Variants in SDK1 observed in about 807,000 individuals in gnomAD.
SDK1 encodes protein sidekick-1.
Under a neutral mutation model 245.5 loss-of-function variants are expected in SDK1, and 157 were observed. The ratio of observed to expected loss-of-function variants is 0.64; its 90% CI spans 0.56 to 0.73. The LOEUF is 0.73. Among genes scored for constraint, SDK1 ranks in the 30% least tolerant of loss-of-function variants. The pLI is 0.00. For missense variants in SDK1, 3,583 were observed against 3,002.3 expected (o/e 1.19, Z -4.52); for synonymous variants, 1,647 against 1,278.5 (o/e 1.29, Z -6.15).
In SDK1 at chr7:4,032,135, A is replaced by G. The variant is rs1374857053; in HGVS notation, c.2602+14783A>G. 2.0e-5 allele frequency among the ~76,000 whole-genome samples: 3 copies of G among 152,166 alleles called. No individual in the cohort carries two copies. In the East Asian group the frequency reaches 5.8e-4, roughly 29 times the overall value. Reference sequence around the variant, plus strand: ...AAGAATGCAGACAAATGCACCAGATAAGAAAGTTGCGGATTAGTTTTATCT... The same window carrying G: ...AAGAATGCAGACAAATGCACCAGATGAGAAAGTTGCGGATTAGTTTTATCT... On this transcript the variant is annotated intron_variant, in intron 17 of 44. Transcript: ENST00000404826.
At chr7:4,227,316 G>A (rs569732365) in intron 40 of SDK1, 1 of 465,562 alleles carries the variant, frequency 2.1e-6, no homozygotes, top group Non-Finnish European at 4.5e-6. Context: ...CAGCTTGTCA[G>A]CCCGGCTTCC....
Position 4,174,282 on chromosome 7 carries a change from C to A in SDK1, c.4861C>A (p.Leu1621Met). Residue 1621 changes from leucine to methionine, a missense_variant, in exon 33 of 45, where the codon CTG becomes ATG. Coordinates refer to ENST00000404826, the MANE Select transcript of SDK1 (RefSeq NM_152744.4). ...GGGATACAGGATCTACTACAGGGAG[C>A]TGGAGTATGAAGCCGGGTCAGGCAC... ...LQGYRIYYRE[L>M]EYEAGSGTEA... 1 of 1,613,840 alleles carries A rather than the reference C, an allele frequency of 6.2e-7. No homozygotes were observed. Among genetic ancestry groups the A allele is most frequent in the South Asian group, 1.1e-5 (1 of 91,078 alleles).
intron 4 of SDK1, among the ~76,000 whole-genome samples, chr7:3,817,261 C>T (rs986749691): frequency 6.6e-6 from 1 of 152,148 alleles, no homozygotes; most frequent in Non-Finnish European, 1.5e-5. Flanking sequence ...CCCCTTGGGT[C>T]CATAGATACT....
At chr7:4,227,339 G>A in intron 40 of SDK1, 1 of 468,890 alleles carries the variant, frequency 2.1e-6, no homozygotes. Flanking sequence ...CCCCTTCCTG[G>A]GATCAGCCTG....
intron 2 of SDK1, among the ~76,000 whole-genome samples, chr7:3,622,352 A>T (rs183333951): frequency 1.3e-5 from 2 of 152,180 alleles, no homozygotes; most frequent in Admixed American, 1.3e-4. Context: ...ATGGTGGCGC[A>T]TGCCTGTAAT....
intron 4 of SDK1, among the ~76,000 whole-genome samples, chr7:3,760,111 A>G (rs1375795324): frequency 6.7e-6 from 1 of 149,078 alleles, no homozygotes; most frequent in East Asian, 2.2e-4. Context: ...TTGTAAAAAC[A>G]TGGAAAATTC....
chr7:3,375,091 T>G (rs1781320407), intron 1 of SDK1, among the ~76,000 whole-genome samples: 1 of 152,190 alleles, frequency 6.6e-6, no homozygotes, highest in Admixed American at 6.5e-5. Context: ...TGATGCTGCA[T>G]ACGCATTTTC....
chr7:3,855,365 A>G (rs1466179639), intron 5 of SDK1, among the ~76,000 whole-genome samples: 1 of 152,072 alleles, frequency 6.6e-6, no homozygotes, highest in Non-Finnish European at 1.5e-5. Flanking sequence ...GAAGAGAACT[A>G]CAGAAAAGGT....
At chr7:4,167,312 G>A (rs905411892) in intron 32 of SDK1, among the ~76,000 whole-genome samples, 3 of 152,084 alleles carry the variant, frequency 2.0e-5, no homozygotes, top group South Asian at 2.1e-4. Flanking sequence ...GCTTGAACCC[G>A]AGAGGCTACA....
chr7:3,824,373 A>G (rs1583452159), intron 5 of SDK1, among the ~76,000 whole-genome samples: 1 of 152,200 alleles, frequency 6.6e-6, no homozygotes, highest in Non-Finnish European at 1.5e-5. Flanking sequence ...TTTAATGAAG[A>G]TACATTTTTG....
At chr7:4,180,251 C>T (rs1782516524) in intron 35 of SDK1, among the ~76,000 whole-genome samples, 1 of 149,702 alleles carries the variant, frequency 6.7e-6, no homozygotes, top group Admixed American at 6.6e-5. Context: ...ATGCCCAGTG[C>T]CCGGCTCCAG....
At chr7:4,209,354 G>A (rs1353518432) in intron 37 of SDK1, among the ~76,000 whole-genome samples, 1 of 152,154 alleles carries the variant, frequency 6.6e-6, no homozygotes, top group East Asian at 1.9e-4. Context: ...AGGAGAGTAG[G>A]TCCCCCACCT....
chr7:3,923,842 A>G (rs979443888), intron 5 of SDK1, among the ~76,000 whole-genome samples: 4 of 152,122 alleles, frequency 2.6e-5, no homozygotes, highest in Admixed American at 2.6e-4. Context: ...AGGGTTCCTC[A>G]GGGGTTCCTT....
chr7:3,638,727 A>T (rs1782550279), intron 2 of SDK1, among the ~76,000 whole-genome samples: 1 of 151,566 alleles, frequency 6.6e-6, no homozygotes, highest in South Asian at 2.1e-4. Flanking sequence ...TGGCACATGT[A>T]TACATATGTA....
intron 30 of SDK1, among the ~76,000 whole-genome samples, chr7:4,156,288 T>A (rs942221956): frequency 6.6e-6 from 1 of 152,126 alleles, no homozygotes; most frequent in Non-Finnish European, 1.5e-5. Flanking sequence ...ATCACCCAGA[T>A]GAGGCAAAGT....
intron 1 of SDK1, among the ~76,000 whole-genome samples, chr7:3,447,984 G>A (rs560259567): frequency 4.6e-5 from 7 of 152,218 alleles, no homozygotes; most frequent in African/African-American, 9.6e-5. Flanking sequence ...GATTGCAGGT[G>A]TGAGCCACTG....
In SDK1 at chr7:4,268,739, G is replaced by C. The variant is rs764250866; in HGVS notation, c.*3355G>C. On this transcript the variant is annotated 3_prime_UTR_variant, in exon 45 of 45. Transcript: ENST00000404826. ...CCTAAGTGTGGCTCCCCGTGGGTCA[G>C]CGTCCTGGTAGCATGGATCCAGTCT... The C allele has an allele frequency of 4.4e-6, 6 of 1,367,840 alleles. No individual in the cohort carries two copies. The highest frequency in any genetic ancestry group is 5.9e-6 in the Non-Finnish European group (6 of 1,021,974). The allele number at this position is 1,367,840 out of a possible 1,614,324, so 84.7% of individuals were successfully genotyped here. A position where few individuals can be genotyped will look rare whatever the true frequency, so the allele number is the denominator to read the frequency against.
At chr7:4,019,969 G>C (rs1786750677) in intron 17 of SDK1, among the ~76,000 whole-genome samples, 1 of 152,178 alleles carries the variant, frequency 6.6e-6, no homozygotes, top group African/African-American at 2.4e-5. Flanking sequence ...CGTGTGCTCA[G>C]TGGGATGGTA....
At chr7:4,086,207 C>G (rs950167872) in intron 22 of SDK1, among the ~76,000 whole-genome samples, 1 of 152,180 alleles carries the variant, frequency 6.6e-6, no homozygotes, top group African/African-American at 2.4e-5. Context: ...CACACCTGCA[C>G]AGGTCTGCCC....
Sources: allele counts gnomAD v4.1 joint callset (sites outside exome capture counted in the v4.1 genomes callset), GRCh38; gene constraint gnomAD v4.1.1; transcripts MANE v1.5; gene names NCBI Gene and HGNC (gene_info 2026-07-23, HGNC 2026-07-21).